The following TENM3 variants were observed in gnomAD, a reference collection of about 807,000 sequenced individuals.
TENM3 encodes the protein teneurin-3.
A neutral mutation model predicts 255.1 loss-of-function variants in TENM3; 63 were observed. The ratio of observed to expected loss-of-function variants is 0.25; its 90% CI spans 0.20 to 0.30. TENM3 has a LOEUF of 0.30. TENM3 is among the 10% of genes least tolerant of loss of function. The pLI is 1.00. For missense variants in TENM3, 2,929 were observed against 3,461.1 expected, an observed-to-expected ratio of 0.85 and a Z score of 3.86; for synonymous variants, 1,306 against 1,322.3, an observed-to-expected ratio of 0.99 and a Z score of 0.27.
At chr4:182,044,774 C>A in the TENM3 span, among the ~76,000 whole-genome samples, 13 of 152,128 alleles carry the variant, frequency 8.5e-5, no homozygotes, top group Non-Finnish European at 8.8e-5. Context: ...AATAAAAATT[C>A]TTCTTTCTTT....
intron 3 of TENM3, among the ~76,000 whole-genome samples, chr4:182,582,752 C>A (rs1157925877): frequency 6.6e-6 from 1 of 152,058 alleles, no homozygotes; most frequent in Non-Finnish European, 1.5e-5. Flanking sequence ...AAAATCGATT[C>A]TAGCTAATGG....
intron 1 of TENM3, among the ~76,000 whole-genome samples, chr4:182,294,544 C>T (rs1386742418): frequency 6.6e-6 from 1 of 152,088 alleles, no homozygotes; most frequent in African/African-American, 2.4e-5. Context: ...TCTGAAAGTC[C>T]TCATGGTCAT....
the TENM3 span, among the ~76,000 whole-genome samples, chr4:182,035,509 T>C: frequency 6.6e-6 from 1 of 152,214 alleles, no homozygotes; most frequent in Non-Finnish European, 1.5e-5. Flanking sequence ...ATTCTGGAAC[T>C]CCCTACCAAT....
At chr4:182,119,927 C>T in the TENM3 span, among the ~76,000 whole-genome samples, 2 of 152,126 alleles carry the variant, frequency 1.3e-5, no homozygotes, top group African/African-American at 2.4e-5. Context: ...GTCTCAAACT[C>T]CTAGACTCAA....
At chr4:182,743,130 T>C in intron 18 of TENM3, 40 bp from the exon 19 acceptor site, 19 of 1,558,854 alleles carry the variant, frequency 1.2e-5, no homozygotes, top group Non-Finnish European at 1.7e-5. Context: ...TCTTTACACT[T>C]TTTCATCATA....
In TENM3 at chr4:182,621,775, A is replaced by ATAATATTAATATATTATATTAATATAT. The variant is rs1750270368; in HGVS notation, c.750-6874_750-6873insATATTAATATATTATATTAATATATTA. Among the ~76,000 whole-genome samples, 14 of 70,206 alleles carry ATAATATTAATATATTATATTAATATAT rather than the reference A, an allele frequency of 2.0e-4. 1 individual carries two copies. Among genetic ancestry groups the ATAATATTAATATATTATATTAATATAT allele is most frequent in the African/African-American group, 7.7e-4 (14 of 18,290 alleles). 46.1% of individuals were successfully genotyped at this position (70,206 alleles called of 152,430 possible). ...TTATAATATATAATAATTATATATT[A>ATAATATTAATATATTATATTAATATAT]TATATAATTATATATATAATATATA... On this transcript the variant is annotated intron_variant, in intron 4 of 27. Coordinates refer to ENST00000511685, the MANE Select transcript of TENM3 (RefSeq NM_001080477.4).
At chr4:182,688,066 C>A in intron 11 of TENM3, 100 bp from the exon 12 acceptor site, 1 of 1,197,266 alleles carries the variant, frequency 8.4e-7, no homozygotes, top group Non-Finnish European at 1.2e-6. Context: ...TTGTGTTTCC[C>A]TTGAACAAAT....
chr4:181,731,728 G>T, the TENM3 span, among the ~76,000 whole-genome samples: 1 of 152,110 alleles, frequency 6.6e-6, no homozygotes, highest in African/African-American at 2.4e-5. Context: ...TCCCCCAAAG[G>T]TGACTGATTA....
chr4:182,452,107 C>T (rs1185024978), intron 3 of TENM3, among the ~76,000 whole-genome samples: 8 of 152,182 alleles, frequency 5.3e-5, no homozygotes, highest in African/African-American at 1.7e-4. Context: ...TGCACACATA[C>T]AGACATATGT....
intron 5 of TENM3, among the ~76,000 whole-genome samples, chr4:182,650,180 C>T (rs1172861770): frequency 1.3e-5 from 2 of 150,374 alleles, no homozygotes; most frequent in Non-Finnish European, 3.0e-5. Context: ...CATATTGCAT[C>T]ATGATGTTCT....
chr4:181,604,193 A>G, the TENM3 span, among the ~76,000 whole-genome samples: 1 of 152,138 alleles, frequency 6.6e-6, no homozygotes, highest in Non-Finnish European at 1.5e-5. Context: ...TGAACCCGGG[A>G]GGCGGAGCTT....
chr4:182,087,653 G>A, the TENM3 span, among the ~76,000 whole-genome samples: 1 of 146,244 alleles, frequency 6.8e-6, no homozygotes, highest in Admixed American at 7.0e-5. Flanking sequence ...TAGTATAGAT[G>A]GATCGACATT....
chr4:182,161,815 GTATATATATACACATATATA>G (rs1751302651), intron 1 of TENM3, among the ~76,000 whole-genome samples: 1 of 30,404 alleles, frequency 3.3e-5, no homozygotes, highest in Non-Finnish European at 5.6e-5. Context: ...ACATATATAT[GTATATATATACACATATATA>G]TGTGTATATA....
chr4:182,454,481 C>T (rs1000753211), intron 3 of TENM3, among the ~76,000 whole-genome samples: 3 of 151,988 alleles, frequency 2.0e-5, no homozygotes, highest in African/African-American at 7.2e-5. Flanking sequence ...AGTCTTTTTG[C>T]AAAGAAGCTG....
chr4:182,685,529 G>A (rs1043751970), intron 11 of TENM3, among the ~76,000 whole-genome samples: 3 of 151,976 alleles, frequency 2.0e-5, no homozygotes, highest in Non-Finnish European at 4.4e-5. Context: ...AATATATTTT[G>A]TAATTACATA....
rs764457215 is a variant in TENM3 at position 182,793,140 on chromosome 4, T to C, written c.6468T>C (p.Asn2156=). 1 of 1,614,018 alleles carries C rather than the reference T, an allele frequency of 6.2e-7. No individual in the cohort carries two copies. The highest frequency in any genetic ancestry group is 1.7e-5 in the Admixed American group (1 of 60,026). Residue 2156 remains asparagine, a synonymous_variant, in exon 26 of 28, where the codon AAT becomes AAC. Transcript: ENST00000511685. This position sits in a 1 kb window ranked among gnomAD's most constrained non-coding sequence, Gnocchi z 5.7. ...TGTGGCGGTACAACTACGATCTGAA[T>C]GGAAACCTCCATTTACTGAACCCAA... is the stretch of plus-strand genomic sequence containing the variant. ...KIMWRYNYDL[N]GNLHLLNPSN...
the TENM3 span, among the ~76,000 whole-genome samples, chr4:181,653,335 C>A: frequency 6.6e-6 from 1 of 152,322 alleles, no homozygotes; most frequent in African/African-American, 2.4e-5. Context: ...GAAGGAGCTG[C>A]TGATGCTTCT....
At chr4:182,219,296 G>GA (rs1203022666) in intron 1 of TENM3, among the ~76,000 whole-genome samples, 1 of 151,882 alleles carries the variant, frequency 6.6e-6, no homozygotes, top group Non-Finnish European at 1.5e-5. Context: ...TGAAGATGAA[G>GA]AAAAAAATTC....
chr4:182,745,101 A>G (rs936254286), intron 19 of TENM3, among the ~76,000 whole-genome samples: 1 of 152,224 alleles, frequency 6.6e-6, no homozygotes, highest in East Asian at 1.9e-4. Flanking sequence ...TTTTAGATGA[A>G]TAAGTCAACA....
Sources: gnomAD v4.1 joint callset for allele counts (sites outside exome capture counted in the v4.1 genomes callset) on GRCh38, gnomAD v4.1.1 for gene constraint, Gnocchi (gnomAD v3.1) non-coding constraint, MANE v1.5 for transcripts, NCBI Gene and HGNC (gene_info 2026-07-23, HGNC 2026-07-21) for gene names.